FLVCR1: variants seen among roughly 807,000 people sequenced by gnomAD.
The protein encoded by FLVCR1 is FLVCR choline and heme transporter 1, also known as choline/ethanolamine transporter FLVCR1.
FLVCR1 carries 34 observed loss-of-function variants against 53.6 expected under a neutral mutation model. The ratio of observed to expected loss-of-function variants is 0.63; its 90% CI spans 0.48 to 0.84. FLVCR1 has a LOEUF of 0.84. FLVCR1 is among the 40% of genes least tolerant of loss of function. The pLI is 0.00. For synonymous variants in FLVCR1, 300 were observed against 286.3 expected, an observed-to-expected ratio of 1.05 and a Z score of -0.48; for missense variants, 677 against 696.7, an observed-to-expected ratio of 0.97 and a Z score of 0.32.
At chr1:212,873,057 A>G (rs1664649495) in intron 3 of FLVCR1, among the ~76,000 whole-genome samples, 1 of 152,196 alleles carries the variant, frequency 6.6e-6, no homozygotes, top group Admixed American at 6.5e-5. Context: ...TGGTAATCCC[A>G]GCACTTGAGT....
At chr1:212,880,626 G>A (rs969438376) in intron 3 of FLVCR1, among the ~76,000 whole-genome samples, 8 of 151,798 alleles carry the variant, frequency 5.3e-5, no homozygotes, top group African/African-American at 1.5e-4. Context: ...GGTGAAACCC[G>A]GTCTCTAATA....
At chr1:212,871,870 T>C (rs1334064789) in intron 2 of FLVCR1, among the ~76,000 whole-genome samples, 2 of 152,196 alleles carry the variant, frequency 1.3e-5, no homozygotes, top group East Asian at 3.8e-4. Flanking sequence ...TCAGACACCA[T>C]ATACCACCAC....
chr1:212,898,121 A>G lies in FLVCR1; in HGVS notation c.*2831A>G, dbSNP rs1665386534. The G allele has an allele frequency of 6.6e-6, 1 of 152,212 alleles. No individual in the cohort carries two copies. Among genetic ancestry groups the G allele is most frequent in the Admixed American group, 6.5e-5 (1 of 15,278 alleles). 9.4% of individuals were successfully genotyped at this position (152,212 alleles called of 1,614,324 possible). A position where few individuals can be genotyped will look rare whatever the true frequency, so the allele number is the denominator to read the frequency against. On this transcript the variant is annotated 3_prime_UTR_variant, in exon 10 of 10. Coordinates refer to ENST00000366971, the MANE Select transcript of FLVCR1 (RefSeq NM_014053.4). ...GGGCAGCGTTTTCCTCATCCATGAA[A>G]TGAATGTGTTCAATTTGATCTCAAA... is the stretch of plus-strand genomic sequence containing the variant.
At chr1:212,868,710 G>A (rs1040181315) in intron 2 of FLVCR1, among the ~76,000 whole-genome samples, 4 of 152,090 alleles carry the variant, frequency 2.6e-5, no homozygotes, top group Admixed American at 6.6e-5. Flanking sequence ...TGCCTGGCCC[G>A]GCTGCATACT....
intron 3 of FLVCR1, among the ~76,000 whole-genome samples, chr1:212,878,008 C>G (rs1055625426): frequency 1.3e-5 from 2 of 152,082 alleles, no homozygotes; most frequent in Non-Finnish European, 2.9e-5. Context: ...AACCATGACC[C>G]ATGAGCCAAA....
intron 2 of FLVCR1, among the ~76,000 whole-genome samples, chr1:212,864,200 T>C (rs1664341319): frequency 1.3e-5 from 2 of 152,238 alleles, no homozygotes; most frequent in East Asian, 3.8e-4. Context: ...TATGCCTACC[T>C]AGCCAGGAAC....
At position 212,859,163 on chromosome 1, in the gene FLVCR1, T is replaced by A. The variant is rs1294242615; in HGVS notation, c.711T>A (p.Ala237=). 6.2e-7 allele frequency: 1 copy of A among 1,613,840 alleles called. No individual in the cohort carries two copies. The highest frequency in any genetic ancestry group is 1.3e-5 in the African/African-American group (1 of 74,908). The part of the protein sequence containing the change: ...VWFGPKEVST[A]CATAVLGNQL... ...TTGGGCCCAAAGAGGTGTCCACAGCTTGTGCCACCGCCGTGCTGGGCAATC... is the reference window on the plus strand; with the variant it reads ...TTGGGCCCAAAGAGGTGTCCACAGCATGTGCCACCGCCGTGCTGGGCAATC... Residue 237 remains alanine, a synonymous_variant, in exon 1 of 10, where the codon GCT becomes GCA. Coordinates refer to ENST00000366971, the MANE Select transcript of FLVCR1 (RefSeq NM_014053.4).
At chr1:212,872,197 C>A (rs1273301863) in intron 2 of FLVCR1, among the ~76,000 whole-genome samples, 1 of 152,118 alleles carries the variant, frequency 6.6e-6, no homozygotes. Context: ...TCACTGCAGC[C>A]TTGACCTCCC....
chr1:212,898,677 T>G lies in FLVCR1; in HGVS notation c.*3387T>G, dbSNP rs1292236550. On this transcript the variant is annotated 3_prime_UTR_variant, in exon 10 of 10. Coordinates refer to ENST00000366971, the MANE Select transcript of FLVCR1 (RefSeq NM_014053.4). ...AAGCAAGAATGTTATAATTCTACAGTAATGTGTGACTTCATGACAGAGCTA... is the reference window on the plus strand; with the variant it reads ...AAGCAAGAATGTTATAATTCTACAGGAATGTGTGACTTCATGACAGAGCTA... 6.6e-6 allele frequency: 1 copy of G among 152,248 alleles called. No individual in the cohort carries two copies. The highest frequency in any genetic ancestry group is 1.9e-4 in the East Asian group (1 of 5,202). 9.4% of individuals were successfully genotyped at this position (152,248 alleles called of 1,614,324 possible). A position where few individuals can be genotyped will look rare whatever the true frequency, so the allele number is the denominator to read the frequency against.
chr1:212,892,303 C>T (rs1665213723), intron 8 of FLVCR1, among the ~76,000 whole-genome samples: 2 of 152,194 alleles, frequency 1.3e-5, no homozygotes, highest in African/African-American at 4.8e-5. Context: ...GAATCAATGT[C>T]TGGCTTCAAA....
At chr1:212,871,141 C>G (rs1664584398) in intron 2 of FLVCR1, among the ~76,000 whole-genome samples, 1 of 152,152 alleles carries the variant, frequency 6.6e-6, no homozygotes, top group African/African-American at 2.4e-5. Flanking sequence ...TCTCTGAAAT[C>G]AAGATGCCTT....
intron 8 of FLVCR1, 141 bp downstream of exon 8, chr1:212,889,398 A>G (rs2102570478): frequency 1.5e-6 from 1 of 669,560 alleles, no homozygotes; most frequent in Non-Finnish European, 2.7e-6. Context: ...TTCTAAAGAC[A>G]TGAATCTCTT....
At chr1:212,880,935 C>A (rs1664911830) in intron 3 of FLVCR1, among the ~76,000 whole-genome samples, 1 of 152,184 alleles carries the variant, frequency 6.6e-6, no homozygotes, top group Admixed American at 6.6e-5. Context: ...AGGATACAGC[C>A]TGACATCTCT....
At position 212,858,562 on chromosome 1, in the gene FLVCR1, A is replaced by G. The variant is rs1664098811; in HGVS notation, c.110A>G (p.Glu37Gly). 2.7e-6 allele frequency: 4 copies of G among 1,480,362 alleles called. No individual in the cohort carries two copies. Among genetic ancestry groups the G allele is most frequent in the Non-Finnish European group, 3.6e-6 (4 of 1,116,068 alleles). The allele number at this position is 1,480,362 out of a possible 1,614,324, so 91.7% of individuals were successfully genotyped here. The change falls in exon 1 of 10, where the codon GAG becomes GGG. Residue 37 changes from glutamate to glycine, a missense_variant. Transcript: ENST00000366971. ...RGAPVGKESV[E>G]LQNGPKAGTF... ...GCGCCCGTTGGGAAGGAGAGCGTGG[A>G]GCTGCAGAACGGGCCCAAAGCGGGC... is the stretch of plus-strand genomic sequence containing the variant.
At chr1:212,864,808 T>G (rs1664358588) in intron 2 of FLVCR1, among the ~76,000 whole-genome samples, 1 of 152,214 alleles carries the variant, frequency 6.6e-6, no homozygotes, top group Non-Finnish European at 1.5e-5. Context: ...AGATATAAAA[T>G]TCTTAGTTTT....
rs191889576 is a variant in FLVCR1 at position 212,894,158 on chromosome 1, G to A, written c.1526-828G>A. Among the ~76,000 whole-genome samples, 314 of 151,656 alleles carry A rather than the reference G, an allele frequency of 2.1e-3. 1 individual carries two copies. The highest frequency in any genetic ancestry group is 3.9e-3 in the Admixed American group (60 of 15,206). On this transcript the variant is annotated intron_variant, in intron 8 of 9. Transcript: ENST00000366971. ...TATTGCAAACTTTAAATAGACTACA[G>A]TATAGTATAAACATAACTTTTTATG...
Position 212,858,423 on chromosome 1 carries a change from G to A in FLVCR1, c.-30G>A. ...GAGCGGAGTCGGGGAGTGGGGCGGG[G>A]GAGCGAGGTGGCGCCGGGGAGCCTG... On this transcript the variant is annotated 5_prime_UTR_variant, in exon 1 of 10. Coordinates refer to ENST00000366971, the MANE Select transcript of FLVCR1 (RefSeq NM_014053.4). 1 of 1,429,542 alleles carries A rather than the reference G, an allele frequency of 7.0e-7. No individual in the cohort carries two copies. 88.6% of individuals were successfully genotyped at this position (1,429,542 alleles called of 1,614,324 possible).
chr1:212,862,834 G>A (rs1664287197), intron 1 of FLVCR1, among the ~76,000 whole-genome samples: 2 of 152,092 alleles, frequency 1.3e-5, no homozygotes, highest in South Asian at 2.1e-4. Context: ...CCACATTCTT[G>A]CCAACACTTT....
intron 1 of FLVCR1, 94 bp from the exon 2 acceptor site, chr1:212,863,631 A>G (rs1664316157): frequency 5.4e-6 from 6 of 1,119,974 alleles, no homozygotes; most frequent in Non-Finnish European, 8.1e-6. Flanking sequence ...GCACCTTTAT[A>G]AACACTAGCT....
Sources: allele counts gnomAD v4.1 joint callset (sites outside exome capture counted in the v4.1 genomes callset), GRCh38; gene constraint gnomAD v4.1.1; transcripts MANE v1.5; gene names NCBI Gene and HGNC (gene_info 2026-07-23, HGNC 2026-07-21).